RAB2A: variants seen among roughly 807,000 people sequenced by gnomAD.
RAB2A encodes ras-related protein Rab-2A.
In RAB2A, 7 loss-of-function variants were observed where a neutral mutation model predicts 32.5. The ratio of observed to expected loss-of-function variants is 0.22; its 90% confidence interval spans 0.12 to 0.40. The LOEUF is 0.40. Ranked by LOEUF, RAB2A falls within the 10% of genes least tolerant of loss-of-function variation. The pLI is 1.00. For missense variants in RAB2A, 108 were observed against 260.7 expected (o/e 0.41, Z 4.03); for synonymous variants, 79 against 85.2 (o/e 0.93, Z 0.40).
chr8:60,592,035 T>C (rs767732632), intron 6 of RAB2A, 66 bp downstream of exon 6: 4 of 962,898 alleles, frequency 4.2e-6, no homozygotes, highest in Non-Finnish European at 6.2e-6. Context: ...ATATCTTCAT[T>C]TTACTTATTA....
chr8:60,584,071 A>G (rs761076982), intron 3 of RAB2A, 137 bp from the exon 4 acceptor site: 8 of 686,266 alleles, frequency 1.2e-5, no homozygotes, highest in African/African-American at 1.8e-5. Context: ...ACTTTTTCCT[A>G]AGACTGGTGA....
At chr8:60,575,280 T>C (rs1280525333) in intron 3 of RAB2A, among the ~76,000 whole-genome samples, 1 of 151,972 alleles carries the variant, frequency 6.6e-6, no homozygotes, top group Non-Finnish European at 1.5e-5. Flanking sequence ...CAAAATTTTT[T>C]GTAGAGATGG....
At chr8:60,553,026 T>G (rs1389964194) in intron 1 of RAB2A, 2 of 152,174 alleles carry the variant, frequency 1.3e-5, no homozygotes, top group Non-Finnish European at 2.9e-5. Flanking sequence ...TTCTACACAC[T>G]GTGCTTTTTG....
intron 1 of RAB2A, chr8:60,551,835 A>C (rs10435602): frequency 0.23 from 35,186 of 150,018 alleles, 4,210 homozygotes; most frequent in Middle Eastern, 0.39. Context: ...CTAGGACTAC[A>C]AGATGTGCTA....
intron 1 of RAB2A, among the ~76,000 whole-genome samples, chr8:60,544,144 T>G (rs1407174937): frequency 6.7e-6 from 1 of 148,604 alleles, no homozygotes; most frequent in Non-Finnish European, 1.5e-5. Flanking sequence ...CAGGCTGAAG[T>G]GTAGTGGCGT....
At chr8:60,547,429 G>A (rs1189320066) in intron 1 of RAB2A, among the ~76,000 whole-genome samples, 1 of 152,176 alleles carries the variant, frequency 6.6e-6, no homozygotes, top group Non-Finnish European at 1.5e-5. Flanking sequence ...CCCAGACGGG[G>A]TGGTGGCCGG....
At chr8:60,603,927 T>C (rs546910775) in intron 6 of RAB2A, among the ~76,000 whole-genome samples, 19 of 152,158 alleles carry the variant, frequency 1.2e-4, no homozygotes, top group Admixed American at 6.5e-4. Context: ...AATAGATGCT[T>C]GATTGATAGA....
intron 3 of RAB2A, among the ~76,000 whole-genome samples, chr8:60,579,676 G>A (rs1206028589): frequency 6.6e-6 from 1 of 151,744 alleles, no homozygotes; most frequent in African/African-American, 2.4e-5. Flanking sequence ...CACCCAGGCT[G>A]GAGTGCGGTG....
chr8:60,559,773 C>T (rs975578093), intron 2 of RAB2A, among the ~76,000 whole-genome samples: 1 of 152,160 alleles, frequency 6.6e-6, no homozygotes, highest in Non-Finnish European at 1.5e-5. Flanking sequence ...CAACGAATTG[C>T]TTAATGAATC....
At chr8:60,592,538 G>C (rs1334171868) in intron 6 of RAB2A, among the ~76,000 whole-genome samples, 1 of 151,930 alleles carries the variant, frequency 6.6e-6, no homozygotes, top group Admixed American at 6.6e-5. Flanking sequence ...TTTTTTAACT[G>C]TCAATATATT....
chr8:60,534,510 G>T lies in RAB2A; in HGVS notation c.46+17257G>T, dbSNP rs1030305839. On this transcript the variant is annotated intron_variant, in intron 1 of 7. Transcript: ENST00000262646. ...ACATAAATAACAAATGAAAAATCAG[G>T]TGATAGGTACAGACTTGGTATAACT... 2.0e-5 allele frequency among the ~76,000 whole-genome samples: 3 copies of T among 152,294 alleles called. No homozygotes were observed. In the East Asian group the frequency reaches 5.8e-4, roughly 29 times the overall value.
intron 3 of RAB2A, among the ~76,000 whole-genome samples, chr8:60,579,031 G>C (rs956760384): frequency 6.6e-6 from 1 of 151,818 alleles, no homozygotes; most frequent in African/African-American, 2.4e-5. Context: ...ATGTTTTTTT[G>C]TTGTTTTGTT....
intron 6 of RAB2A, 43 bp from the exon 7 acceptor site, chr8:60,618,537 G>T: frequency 1.0e-6 from 1 of 996,280 alleles, no homozygotes; most frequent in Non-Finnish European, 1.4e-6. Context: ...TTATTTTACT[G>T]CTTTGGTTTT....
At chr8:60,581,593 A>G (rs1180214742) in intron 3 of RAB2A, among the ~76,000 whole-genome samples, 2 of 152,248 alleles carry the variant, frequency 1.3e-5, no homozygotes, top group South Asian at 2.1e-4. Flanking sequence ...TACTGTACCT[A>G]ACACAGAATC....
chr8:60,544,003 A>G (rs1197864906), intron 1 of RAB2A, among the ~76,000 whole-genome samples: 1 of 146,826 alleles, frequency 6.8e-6, no homozygotes, highest in Non-Finnish European at 1.5e-5. Context: ...TGGAGGTTGC[A>G]GTGAGCCGAG....
chr8:60,568,834 C>A (rs1808155368), intron 2 of RAB2A, among the ~76,000 whole-genome samples: 1 of 151,926 alleles, frequency 6.6e-6, no homozygotes, highest in South Asian at 2.1e-4. Flanking sequence ...GAAAATGGAT[C>A]TGGGAAGAGG....
chr8:60,566,793 G>A (rs565898813), intron 2 of RAB2A, among the ~76,000 whole-genome samples: 1 of 152,208 alleles, frequency 6.6e-6, no homozygotes, highest in East Asian at 1.9e-4. Flanking sequence ...CCCAGTATCT[G>A]TTATTTCCAT....
chr8:60,536,710 A>G (rs1807563930), intron 1 of RAB2A, among the ~76,000 whole-genome samples: 1 of 152,210 alleles, frequency 6.6e-6, no homozygotes, highest in Admixed American at 6.5e-5. Flanking sequence ...CACTTATAGA[A>G]TGTTCCTTTC....
intron 2 of RAB2A, among the ~76,000 whole-genome samples, chr8:60,561,753 G>A (rs1414643984): frequency 6.6e-6 from 1 of 152,092 alleles, no homozygotes; most frequent in Non-Finnish European, 1.5e-5. Flanking sequence ...TCTTTTCATG[G>A]GCCCAGAATC....
Sources: allele counts gnomAD v4.1 joint callset (sites outside exome capture counted in the v4.1 genomes callset), GRCh38; gene constraint gnomAD v4.1.1; transcripts MANE v1.5; gene names NCBI Gene and HGNC (gene_info 2026-07-23, HGNC 2026-07-21).